PECR: variants seen among roughly 807,000 people sequenced by gnomAD.
PECR encodes peroxisomal trans-2-enoyl-CoA reductase.
In PECR, 30 loss-of-function variants were observed where a neutral mutation model predicts 35.3. That is an observed-to-expected ratio of 0.85 (90% CI 0.64 to 1.15). The LOEUF (loss-of-function observed/expected upper bound fraction) is 1.15, where lower values mean the gene tolerates loss of function less well. Among genes scored for constraint, PECR ranks in the 50% most tolerant of loss-of-function variants. PECR has a pLI of 0.00. For synonymous variants in PECR, 148 were observed against 138.9 expected, an observed-to-expected ratio of 1.07 and a Z score of -0.46; for missense variants, 392 against 370.8, an observed-to-expected ratio of 1.06 and a Z score of -0.47.
intron 7 of PECR, among the ~76,000 whole-genome samples, 154 bp downstream of exon 7, chr2:216,043,750 T>TA (rs1428797839): frequency 6.6e-6 from 1 of 152,170 alleles, no homozygotes; most frequent in Non-Finnish European, 1.5e-5. Flanking sequence ...AATATTTCAT[T>TA]AAAAAAATCA....
At chr2:216,052,140 C>T (rs1042266429) in intron 4 of PECR, among the ~76,000 whole-genome samples, 1 of 152,188 alleles carries the variant, frequency 6.6e-6, no homozygotes, top group Non-Finnish European at 1.5e-5. Context: ...AAGCTGTTAT[C>T]ACACCACTGC....
At chr2:216,037,255 A>G (rs1171784854), downstream of PECR, among the ~76,000 whole-genome samples, 3 of 152,262 alleles carry the variant, frequency 2.0e-5, no homozygotes, top group Admixed American at 1.3e-4. Context: ...AAATATAGAT[A>G]ATGACCAGCT....
At chr2:216,057,481 A>G (rs1308078940) in intron 4 of PECR, among the ~76,000 whole-genome samples, 1 of 152,214 alleles carries the variant, frequency 6.6e-6, no homozygotes, top group Non-Finnish European at 1.5e-5. Context: ...GTTAAAATGT[A>G]GGAAAAAGAT....
intron 1 of PECR, among the ~76,000 whole-genome samples, chr2:216,068,793 A>G (rs1368433548): frequency 1.5e-5 from 2 of 137,674 alleles, no homozygotes; most frequent in African/African-American, 2.7e-5. Context: ...ATACACCACC[A>G]TATCTGGCCA....
chr2:216,070,861 A>T (rs1426244878), intron 1 of PECR, among the ~76,000 whole-genome samples: 1 of 152,238 alleles, frequency 6.6e-6, no homozygotes, highest in Non-Finnish European at 1.5e-5. Flanking sequence ...GACTGCCCTC[A>T]GCATTCCTTC....
intron 1 of PECR, among the ~76,000 whole-genome samples, chr2:216,078,317 CATAAAAAA>C (rs935118908): frequency 1.3e-5 from 2 of 151,618 alleles, no homozygotes; most frequent in Admixed American, 1.3e-4. Flanking sequence ...TTGATTCTGG[CATAAAAAA>C]ATAAAGAGGA....
At chr2:216,057,986 C>T (rs1044085982) in intron 4 of PECR, 18 of 152,178 alleles carry the variant, frequency 1.2e-4, no homozygotes, top group African/African-American at 4.1e-4. Context: ...CCTTTTGCCA[C>T]ACCTAGAGAC....
At chr2:216,044,140 T>C (rs1694949453) in intron 6 of PECR, 125 bp from the exon 7 acceptor site, 1 of 682,640 alleles carries the variant, frequency 1.5e-6, no homozygotes, top group Non-Finnish European at 2.7e-6. Flanking sequence ...AGTGTGTGCA[T>C]GTGCACCACA....
intron 4 of PECR, among the ~76,000 whole-genome samples, chr2:216,054,576 T>A (rs1397372268): frequency 1.8e-4 from 27 of 151,576 alleles, no homozygotes. Context: ...CCTCAGGTGA[T>A]CTACCCACCT....
intron 4 of PECR, among the ~76,000 whole-genome samples, chr2:216,053,000 T>C (rs1695147954): frequency 6.7e-6 from 1 of 149,468 alleles, no homozygotes; most frequent in Non-Finnish European, 1.5e-5. Context: ...TTTATAGGAG[T>C]GCGCCATCAC....
chr2:216,066,328 G>A (rs1185828907), intron 2 of PECR, 57 bp downstream of exon 2: 6 of 1,493,212 alleles, frequency 4.0e-6, no homozygotes, highest in Non-Finnish European at 5.6e-6. Context: ...CCAGGTTTAA[G>A]AAACACTACT....
intron 7 of PECR, among the ~76,000 whole-genome samples, chr2:216,030,473 T>C (rs771234249): frequency 1.3e-5 from 2 of 152,172 alleles, no homozygotes; most frequent in Non-Finnish European, 2.9e-5. Context: ...AGATAATGCA[T>C]GGAAAGGGCT....
intron 1 of PECR, among the ~76,000 whole-genome samples, chr2:216,079,750 G>C (rs1321635107): frequency 6.7e-6 from 1 of 149,782 alleles, no homozygotes; most frequent in Non-Finnish European, 1.5e-5. Flanking sequence ...GGGAGGCCGA[G>C]GCGGGCGGAT....
downstream of PECR, among the ~76,000 whole-genome samples, chr2:216,037,322 T>G (rs80124718): frequency 0.021 from 3,181 of 152,314 alleles, 125 homozygotes; most frequent in African/African-American, 0.072. Flanking sequence ...AGTTTAGTGC[T>G]ACATAGGCAG....
At chr2:216,069,115 TCAA>T (rs1695534835) in intron 1 of PECR, among the ~76,000 whole-genome samples, 1 of 152,214 alleles carries the variant, frequency 6.6e-6, no homozygotes, top group South Asian at 2.1e-4. Context: ...CACCAGTCTC[TCAA>T]CAACATGGTT....
intron 1 of PECR, among the ~76,000 whole-genome samples, chr2:216,080,294 T>C (rs1429997301): frequency 6.6e-6 from 1 of 152,154 alleles, no homozygotes; most frequent in Non-Finnish European, 1.5e-5. Flanking sequence ...CAGGCTGGTC[T>C]CAAACTCCTG....
intron 4 of PECR, among the ~76,000 whole-genome samples, chr2:216,056,882 A>G (rs1184029216): frequency 6.6e-6 from 1 of 152,120 alleles, no homozygotes; most frequent in Non-Finnish European, 1.5e-5. Flanking sequence ...CATGGTCCAA[A>G]GTGTGAAGGC....
intron 7 of PECR, among the ~76,000 whole-genome samples, chr2:216,030,305 G>T (rs1694660727): frequency 1.3e-5 from 2 of 152,250 alleles, no homozygotes; most frequent in South Asian, 4.1e-4. Flanking sequence ...CAGGGCAGGG[G>T]TCGGGGCTCT....
At position 216,081,720 on chromosome 2, in the gene PECR, T is replaced by C; in HGVS notation, c.22A>G (p.Arg8Gly). 6.2e-7 allele frequency: 1 copy of C among 1,613,454 alleles called. No individual in the cohort carries two copies. The highest frequency in any genetic ancestry group is 8.5e-7 in the Non-Finnish European group (1 of 1,179,928). Residue 8 changes from arginine (R) to glycine (G), a missense_variant, in exon 1 of 8, where the codon AGG becomes GGG. Physicochemically the swap from Arg to Gly is moderately radical, Grantham distance 125 (BLOSUM62 -2). Coordinates refer to ENST00000265322, the MANE Select transcript of PECR (RefSeq NM_018441.6). MASWAKG[R>G]SYLAPGLLQG... ...AGCAAACCAGGCGCCAGGTAGCTCCTGCCCTTAGCCCAGGAGGCCATCCCT... is the reference window on the plus strand; with the variant it reads ...AGCAAACCAGGCGCCAGGTAGCTCCCGCCCTTAGCCCAGGAGGCCATCCCT...
Sources: allele counts gnomAD v4.1 joint callset (sites outside exome capture counted in the v4.1 genomes callset), GRCh38; gene constraint gnomAD v4.1.1; transcripts MANE v1.5; gene names NCBI Gene and HGNC (gene_info 2026-07-23, HGNC 2026-07-21).